HTRA4: variants seen among roughly 807,000 people sequenced by gnomAD.
HTRA4 encodes HtrA serine peptidase 4.
A neutral mutation model predicts 49.1 loss-of-function variants in HTRA4; 46 were observed. The ratio of observed to expected loss-of-function variants is 0.94; its 90% CI spans 0.74 to 1.20. The LOEUF is 1.20. HTRA4 is among the 50% of genes most tolerant of loss of function. The pLI, the probability that HTRA4 is intolerant of heterozygous loss-of-function variation, is 0.00. For synonymous variants in HTRA4, 261 were observed against 264.0 expected, an observed-to-expected ratio of 0.99 and a Z score of 0.11; for missense variants, 602 against 636.9, an observed-to-expected ratio of 0.95 and a Z score of 0.59.
rs1242060087 is a variant in HTRA4, at chr8:38,974,449, G to A, written c.186G>A (p.Val62=). Residue 62 remains valine (V), a synonymous_variant, in exon 1 of 9, where the codon GTG becomes GTA. Coordinates refer to ENST00000302495, the MANE Select transcript of HTRA4 (RefSeq NM_153692.4). ...LPTCALGTTP[V]FDLCRCCRVC... is the part of the protein sequence containing the mutation. ...CCTGCGCGCTGGGGACCACGCCGGT[G>A]TTCGACCTGTGCCGCTGTTGCCGCG... 6.5e-7 allele frequency: 1 copy of A among 1,541,538 alleles called. No individual in the cohort carries two copies.
chr8:38,982,106 C>A (rs1361268577), intron 6 of HTRA4, among the ~76,000 whole-genome samples: 1 of 152,134 alleles, frequency 6.6e-6, no homozygotes, highest in African/African-American at 2.4e-5. Flanking sequence ...CCTCGGCCTC[C>A]CAAAGTGCTG....
At chr8:38,984,280 C>A (rs1019703897) in intron 8 of HTRA4, among the ~76,000 whole-genome samples, 2 of 151,536 alleles carry the variant, frequency 1.3e-5, no homozygotes, top group African/African-American at 2.4e-5. Context: ...GGATTACAGG[C>A]ATGAGCCACC....
At chr8:38,982,595 G>C (rs756941127) in intron 7 of HTRA4, 40 bp downstream of exon 7, 55 of 1,590,448 alleles carry the variant, frequency 3.5e-5, no homozygotes, top group Non-Finnish European at 1.7e-6. Context: ...GTTTTTCAGA[G>C]GCAAAAACCA....
At chr8:38,978,621 A>G (rs991932747) in intron 4 of HTRA4, among the ~76,000 whole-genome samples, 8 of 152,178 alleles carry the variant, frequency 5.3e-5, no homozygotes, top group African/African-American at 1.4e-4. Context: ...CCACTTTGTT[A>G]GAGTCTGTCT....
At position 38,982,998 on chromosome 8, in the gene HTRA4, G is replaced by T; in HGVS notation, c.1218G>T (p.Val406=). ...TGCATTATCCAGATTTCCCTGATGT[G>T]AGTTCTGGGGTTTATGTATGTAAAG... ...LKMHYPDFPD[V]SSGVYVCKVV... Residue 406 remains valine (V), a synonymous_variant, in exon 8 of 9, where the codon GTG becomes GTT. Coordinates refer to ENST00000302495, the MANE Select transcript of HTRA4 (RefSeq NM_153692.4). The T allele has an allele frequency of 6.2e-7, 1 of 1,613,934 alleles. No individual in the cohort carries two copies. The highest frequency in any genetic ancestry group is 1.1e-5 in the South Asian group (1 of 91,046).
chr8:38,974,534 G>T lies in HTRA4; in HGVS notation c.271G>T (p.Gly91Trp). 1 of 1,419,044 alleles carries T rather than the reference G, an allele frequency of 7.0e-7. No individual in the cohort carries two copies. Among genetic ancestry groups the T allele is most frequent in the Non-Finnish European group, 9.1e-7 (1 of 1,097,804 alleles). The allele number at this position is 1,419,044 out of a possible 1,614,324, so 87.9% of individuals were successfully genotyped here. A position where few individuals can be genotyped will look rare whatever the true frequency, so the allele number is the denominator to read the frequency against. ...GGCGCAGGGCCAACCGTGCGCCCCG[G>T]GGCTGCAGTGCCTCCAGCCGCTGCG... ...GGAQGQPCAP[G>W]LQCLQPLRPG... The change falls in exon 1 of 9, where the codon GGG (glycine) becomes TGG (tryptophan). Residue 91 changes from glycine to tryptophan, a missense_variant. Coordinates refer to ENST00000302495, the MANE Select transcript of HTRA4 (RefSeq NM_153692.4).
Position 38,974,709 on chromosome 8 carries a change from G to C in HTRA4, c.446G>C (p.Trp149Ser), listed in dbSNP as rs1013910761. 2 of 1,428,516 alleles carry C rather than the reference G, an allele frequency of 1.4e-6. No homozygotes were observed. The highest frequency in any genetic ancestry group is 1.8e-6 in the Non-Finnish European group (2 of 1,101,122). The allele number at this position is 1,428,516 out of a possible 1,614,324, so 88.5% of individuals were successfully genotyped here. A position where few individuals can be genotyped will look rare whatever the true frequency, so the allele number is the denominator to read the frequency against. Residue 149 changes from tryptophan (W) to serine (S), a missense_variant, in exon 1 of 9, where the codon TGG becomes TCG. Coordinates refer to ENST00000302495, the MANE Select transcript of HTRA4 (RefSeq NM_153692.4). ...AAGGTCCCGGCCGTGCCTGTGCAGT[G>C]GGGGAACTGCGGGGATACAGGTGAG... The part of the protein sequence containing the change: ...LGKVPAVPVQ[W>S]GNCGDTGTRS...
At chr8:38,978,711 C>G (rs1047832226) in intron 4 of HTRA4, among the ~76,000 whole-genome samples, 1 of 151,912 alleles carries the variant, frequency 6.6e-6, no homozygotes, top group Non-Finnish European at 1.5e-5. Context: ...GGTGGTGGTC[C>G]CTTGGCCAGG....
rs753967895 is a variant in HTRA4, at chr8:38,974,724, A to G, written c.461A>G (p.Asp154Gly). 6 of 1,426,008 alleles carry G rather than the reference A, an allele frequency of 4.2e-6. No individual in the cohort carries two copies. In the Admixed American group the frequency reaches 1.8e-4, roughly 44 times the overall value. The allele number at this position is 1,426,008 out of a possible 1,614,324, so 88.3% of individuals were successfully genotyped here. ...CCTGTGCAGTGGGGGAACTGCGGGG[A>G]TACAGGTGAGCCGCGGGGGCGCGCG... is the stretch of plus-strand genomic sequence containing the variant. Reference protein sequence around the residue: ...AVPVQWGNCGDTGTRSAGPLR... With the variant: ...AVPVQWGNCGGTGTRSAGPLR... Residue 154 changes from aspartate to glycine, a missense_variant, in exon 1 of 9, where the codon GAT becomes GGT. Asp to Gly is a moderately conservative substitution (Grantham distance 94). Transcript: ENST00000302495.
chr8:38,976,389 T>G (rs1171193938), intron 2 of HTRA4, 146 bp from the exon 3 acceptor site: 5 of 774,200 alleles, frequency 6.5e-6, no homozygotes, highest in Non-Finnish European at 1.0e-5. Flanking sequence ...CAGAGCGAGA[T>G]TCTGTCTCAA....
In HTRA4 at chr8:38,988,045, C is replaced by A. The variant is rs200169830; in HGVS notation, c.1378C>A (p.Leu460Ile). 76 of 1,610,806 alleles carry A rather than the reference C, an allele frequency of 4.7e-5. No individual in the cohort carries two copies. The highest frequency in any genetic ancestry group is 5.5e-5 in the Non-Finnish European group (65 of 1,179,064). ...CAGTGATTCCCTTTCCATGGCTGTT[C>A]TTCGGGGAAAAGATAATTTGCTCCT... is the stretch of plus-strand genomic sequence containing the variant. ...LDSDSLSMAV[L>I]RGKDNLLLTV... The change falls in exon 9 of 9, where the codon CTT (leucine) becomes ATT (isoleucine). Residue 460 changes from leucine to isoleucine, a missense_variant. By Grantham distance (5) the Leu-to-Ile change is conservative. Transcript: ENST00000302495.
intron 4 of HTRA4, 134 bp from the exon 5 acceptor site, chr8:38,979,081 C>G: frequency 1.3e-6 from 1 of 774,112 alleles, no homozygotes; most frequent in Non-Finnish European, 2.3e-6. Context: ...GATAGGGGCA[C>G]AATTTTGCCG....
intron 3 of HTRA4, among the ~76,000 whole-genome samples, chr8:38,977,401 A>G (rs536563367): frequency 6.6e-6 from 1 of 152,068 alleles, no homozygotes; most frequent in Non-Finnish European, 1.5e-5. Context: ...TCCTACACAT[A>G]GTACTGGTAG....
chr8:38,988,402 CTCACTTA>C lies in HTRA4; in HGVS notation c.*306_*312del. ...AACAGAAAACCAAATACTGCATGTTCTCACTTATAAGTGGGAGCTGAACAATGAGAAC... is the reference window on the plus strand; with the variant it reads ...AACAGAAAACCAAATACTGCATGTTCTAAGTGGGAGCTGAACAATGAGAAC... On this transcript the variant is annotated 3_prime_UTR_variant, in exon 9 of 9. Coordinates refer to ENST00000302495, the MANE Select transcript of HTRA4 (RefSeq NM_153692.4). The C allele has an allele frequency of 5.2e-6, 1 of 193,916 alleles. No individual in the cohort carries two copies. Among genetic ancestry groups the C allele is most frequent in the South Asian group, 9.7e-5 (1 of 10,350 alleles). The allele number at this position is 193,916 out of a possible 1,614,324, so 12.0% of individuals were successfully genotyped here.
In HTRA4 at chr8:38,978,040, C is replaced by T; in HGVS notation, c.859C>T (p.Gln287Ter). 4 of 1,614,124 alleles carry T rather than the reference C, an allele frequency of 2.5e-6. No individual in the cohort carries two copies. The highest frequency in any genetic ancestry group is 3.4e-6 in the Non-Finnish European group (4 of 1,180,024). The change falls in exon 4 of 9, where the codon CAG becomes TAG. Residue 287 changes from glutamine to a stop codon, truncating the protein, a stop_gained. Transcript: ENST00000302495. LOFTEE classifies it high-confidence loss of function. The stretch of plus-strand genomic sequence containing the variant: ...GGCTTTGGGCAGCCCATTTTCTCTG[C>T]AGAACACAGCTACTGCAGGAATTGT... Reference protein sequence around the residue: ...VVALGSPFSLQNTATAGIVST... With the variant: ...VVALGSPFSL
At chr8:38,983,537 T>A (rs572410510) in intron 8 of HTRA4, among the ~76,000 whole-genome samples, 11 of 152,008 alleles carry the variant, frequency 7.2e-5, no homozygotes, top group Non-Finnish European at 8.8e-5. Flanking sequence ...AAAAAAAAAA[T>A]ATTATCATTA....
At chr8:38,978,176 C>T (rs1350733844) in intron 4 of HTRA4, 29 bp downstream of exon 4, 5 of 1,581,730 alleles carry the variant, frequency 3.2e-6, no homozygotes, top group Non-Finnish European at 4.3e-6. Flanking sequence ...AGGTGCCCAA[C>T]CCATGGGCTG....
chr8:38,987,929 C>G lies in HTRA4; in HGVS notation c.1269-7C>G, dbSNP rs1391310671. On this transcript the variant is annotated splice_polypyrimidine_tract_variant and splice_region_variant and intron_variant, in intron 8 of 8. Transcript: ENST00000302495. ...TCATGATCCTCTTTTTTTTCTCCCT[C>G]TCTCAGCTCTGGATTGAGAGATCAC... The G allele has an allele frequency of 4.5e-6, 7 of 1,543,392 alleles. No homozygotes were observed. Among genetic ancestry groups the G allele is most frequent in the Non-Finnish European group, 6.1e-6 (7 of 1,152,606 alleles).
At chr8:38,981,246 A>G (rs1408031801) in intron 5 of HTRA4, among the ~76,000 whole-genome samples, 2 of 150,442 alleles carry the variant, frequency 1.3e-5, no homozygotes. Flanking sequence ...GGCCCGGCTA[A>G]TTTTTTATAT....
Sources: allele counts gnomAD v4.1 joint callset (sites outside exome capture counted in the v4.1 genomes callset), GRCh38; gene constraint gnomAD v4.1.1; transcripts MANE v1.5; gene names NCBI Gene and HGNC (gene_info 2026-07-23, HGNC 2026-07-21).